The following IFT74 variants were observed in gnomAD, a reference collection of about 807,000 sequenced individuals.
The protein encoded by IFT74 is intraflagellar transport 74.
IFT74 carries 92 observed loss-of-function variants against 96.7 expected under a neutral mutation model. The ratio of observed to expected loss-of-function variants is 0.95; its 90% CI spans 0.80 to 1.13. The LOEUF (loss-of-function observed/expected upper bound fraction) is 1.13, where lower values mean the gene tolerates loss of function less well. Among genes scored for constraint, IFT74 ranks in the 50% most tolerant of loss-of-function variants. The pLI is 0.00. For missense variants in IFT74, 811 were observed against 698.2 expected, an observed-to-expected ratio of 1.16 and a Z score of -1.82; for synonymous variants, 223 against 213.2, an observed-to-expected ratio of 1.05 and a Z score of -0.40.
intron 16 of IFT74, among the ~76,000 whole-genome samples, chr9:27,054,102 CTT>C (rs1270963363): frequency 6.6e-6 from 1 of 152,166 alleles, no homozygotes; most frequent in Non-Finnish European, 1.5e-5. Context: ...ATTATACTAA[CTT>C]TAAAAATTTT....
At chr9:26,962,187 C>T in intron 2 of IFT74, 100 bp downstream of exon 2, 1 of 1,159,896 alleles carries the variant, frequency 8.6e-7, no homozygotes, top group East Asian at 2.5e-5. Context: ...CATGCCACTG[C>T]ACCCCAGTTT....
chr9:27,039,133 C>A (rs1307168291), intron 13 of IFT74, among the ~76,000 whole-genome samples: 1 of 152,180 alleles, frequency 6.6e-6, no homozygotes, highest in Non-Finnish European at 1.5e-5. Context: ...AAATTATAAT[C>A]GTCATCATCG....
intron 12 of IFT74, among the ~76,000 whole-genome samples, chr9:27,023,732 G>A (rs778650907): frequency 6.6e-6 from 1 of 152,092 alleles, no homozygotes; most frequent in Non-Finnish European, 1.5e-5. Context: ...AGTAAGATCA[G>A]CAGCAGAGGC....
intron 16 of IFT74, among the ~76,000 whole-genome samples, chr9:27,050,859 A>C (rs1171502102): frequency 6.6e-6 from 1 of 152,094 alleles, no homozygotes; most frequent in Middle Eastern, 3.2e-3. Flanking sequence ...CGTTGTGCAC[A>C]TGTACCCTAG....
intron 4 of IFT74, among the ~76,000 whole-genome samples, chr9:26,983,072 C>T (rs1364803644): frequency 2.6e-5 from 4 of 151,708 alleles, no homozygotes; most frequent in Non-Finnish European, 5.9e-5. Context: ...TTGTTTAATC[C>T]ACCCTCCCAT....
At chr9:27,051,573 A>T (rs895799725) in intron 16 of IFT74, among the ~76,000 whole-genome samples, 1 of 151,914 alleles carries the variant, frequency 6.6e-6, no homozygotes, top group Non-Finnish European at 1.5e-5. Flanking sequence ...CTGAATAACA[A>T]CTCCATATTT....
intron 2 of IFT74, among the ~76,000 whole-genome samples, chr9:26,972,454 T>C: frequency 6.6e-6 from 1 of 152,196 alleles, no homozygotes. Context: ...CTCCATGCTT[T>C]TGGGTAAGCA....
chr9:27,044,938 A>G, intron 14 of IFT74, 143 bp downstream of exon 14: 1 of 546,422 alleles, frequency 1.8e-6, no homozygotes, highest in East Asian at 3.1e-5. Context: ...GCCTTGAAGA[A>G]TAGTTTCTAG....
chr9:27,015,163 A>C (rs1025245269), intron 10 of IFT74, among the ~76,000 whole-genome samples: 1 of 152,226 alleles, frequency 6.6e-6, no homozygotes, highest in South Asian at 2.1e-4. Context: ...CGATACTATG[A>C]AAAAGGATAG....
rs112829794 is a variant in IFT74 at position 27,003,180 on chromosome 9, A to AT, written c.588-5834dup. ...TGAATTCAGTTGTCAGTTTTTACAG[A>AT]TTTTTTGTGGAGTATTTAGGGTTTG... On this transcript the variant is annotated intron_variant, in intron 8 of 19. Transcript: ENST00000380062. Among the ~76,000 whole-genome samples, 16 of 151,372 alleles carry AT rather than the reference A, an allele frequency of 1.1e-4. 2 individuals are homozygous for AT. Among genetic ancestry groups the AT allele is most frequent in the African/African-American group, 3.2e-4 (13 of 41,254 alleles).
intron 7 of IFT74, among the ~76,000 whole-genome samples, chr9:26,989,240 G>A (rs1315130142): frequency 2.0e-5 from 3 of 152,182 alleles, no homozygotes; most frequent in East Asian, 3.9e-4. Flanking sequence ...CAATAAGGGT[G>A]GAAAAATTAC....
intron 10 of IFT74, among the ~76,000 whole-genome samples, chr9:27,014,312 C>A (rs142964808): frequency 1.3e-5 from 2 of 152,136 alleles, no homozygotes; most frequent in African/African-American, 2.4e-5. Context: ...GATGGAAATA[C>A]GCTTAAAGAA....
At chr9:27,061,144 G>GGTGT (rs34615635) in intron 19 of IFT74, among the ~76,000 whole-genome samples, 32 of 149,878 alleles carry the variant, frequency 2.1e-4, no homozygotes, top group Middle Eastern at 3.5e-3. Flanking sequence ...GTAGTTAAGA[G>GGTGT]GTGTGTGTGT....
In IFT74 at chr9:27,031,781, T is replaced by TAAATA. The variant is rs966935528; in HGVS notation, c.1054+2687_1054+2691dup. Among the ~76,000 whole-genome samples, 18 of 122,748 alleles carry TAAATA rather than the reference T, an allele frequency of 1.5e-4. No homozygotes were observed. The East Asian group carries it at 5.5e-3, about 38-fold the overall frequency. 80.5% of individuals were successfully genotyped at this position (122,748 alleles called of 152,430 possible). ...TAAAATAAAATAAAATAAAATAAAA[T>TAAATA]AAATAAAATAAAATGTAAAATAAAA... On this transcript the variant is annotated intron_variant, in intron 13 of 19. Coordinates refer to ENST00000380062, the MANE Select transcript of IFT74 (RefSeq NM_025103.4).
intron 12 of IFT74, among the ~76,000 whole-genome samples, chr9:27,022,797 C>T (rs771237919): frequency 6.6e-6 from 1 of 152,060 alleles, no homozygotes; most frequent in East Asian, 1.9e-4. Flanking sequence ...CACGTGCCAC[C>T]ACACCGGCTA....
At position 27,063,057 on chromosome 9, in the gene IFT74, T is replaced by C. The variant is rs528469393; in HGVS notation, c.*321T>C. The C allele has an allele frequency of 4.3e-6, 1 of 231,824 alleles. No homozygotes were observed. Among genetic ancestry groups the C allele is most frequent in the East Asian group, 1.4e-4 (1 of 7,310 alleles). 14.4% of individuals were successfully genotyped at this position (231,824 alleles called of 1,614,324 possible). A position where few individuals can be genotyped will look rare whatever the true frequency, so the allele number is the denominator to read the frequency against. ...GGCAACAAATGAGATAAGCTTTTCT[T>C]GTATCAACTCTAGGACGGATGCATG... is the stretch of plus-strand genomic sequence containing the variant. On this transcript the variant is annotated 3_prime_UTR_variant, in exon 20 of 20. Transcript: ENST00000380062.
chr9:27,043,988 AT>A (rs1401180325), intron 13 of IFT74, among the ~76,000 whole-genome samples: 1 of 152,194 alleles, frequency 6.6e-6, no homozygotes. Flanking sequence ...CCTGGTTAAA[AT>A]TCTTTAGTAA....
intron 2 of IFT74, chr9:26,976,851 G>A: frequency 2.3e-6 from 1 of 443,332 alleles, no homozygotes; most frequent in Non-Finnish European, 4.5e-6. Context: ...GTGTTATGTT[G>A]GATTTTGCAT....
In IFT74 at chr9:27,055,589, C is replaced by T; in HGVS notation, c.1334-20C>T. 1.3e-6 allele frequency: 2 copies of T among 1,540,960 alleles called. No homozygotes were observed. Among genetic ancestry groups the T allele is most frequent in the South Asian group, 1.3e-5 (1 of 79,574 alleles). On this transcript the variant is annotated intron_variant, in intron 16 of 19. Transcript: ENST00000380062. ...GAATAAAATTTTGATTAATTATCACCTTAAATTCTTATGTTTCAGACATTC... is the reference window on the plus strand; with the variant it reads ...GAATAAAATTTTGATTAATTATCACTTTAAATTCTTATGTTTCAGACATTC...
Sources: allele counts gnomAD v4.1 joint callset (sites outside exome capture counted in the v4.1 genomes callset), GRCh38; gene constraint gnomAD v4.1.1; transcripts MANE v1.5; gene names NCBI Gene and HGNC (gene_info 2026-07-23, HGNC 2026-07-21).